Variants in ABCA13 observed in about 807,000 individuals in gnomAD.
The protein encoded by ABCA13 is ATP binding cassette subfamily A member 13.
In ABCA13, 476 loss-of-function variants were observed where a neutral mutation model predicts 478.7. The ratio of observed to expected loss-of-function variants is 0.99; its 90% CI spans 0.92 to 1.07. The LOEUF is 1.07. Ranked by LOEUF, ABCA13 falls within the 50% of genes least tolerant of loss-of-function variation. The probability of loss-of-function intolerance (pLI) is 0.00; values close to 1 mark genes in which losing one functional copy is unlikely to be tolerated. For synonymous variants in ABCA13, 2,252 were observed against 2,158.9 expected, an observed-to-expected ratio of 1.04 and a Z score of -1.20; for missense variants, 6,060 against 5,910.6, an observed-to-expected ratio of 1.03 and a Z score of -0.83.
At chr7:48,626,983 A>G (rs1000424299) in intron 59 of ABCA13, 27 of 985,386 alleles carry the variant, frequency 2.7e-5, no homozygotes, top group Middle Eastern at 5.2e-4. Flanking sequence ...AAGTAGCTGA[A>G]CTCATCACAA....
Position 48,645,995 on chromosome 7 carries a change from A to G in ABCA13, c.*483A>G, listed in dbSNP as rs2131711200. On this transcript the variant is annotated 3_prime_UTR_variant, in exon 62 of 62. Transcript: ENST00000435803. ...TATTGTTGTCATCTATTTACTAGAT[A>G]CATGTTTTTAATGATTTTAATGTAA... is the stretch of plus-strand genomic sequence containing the variant. The G allele has an allele frequency of 6.5e-6, 1 of 154,842 alleles. No homozygotes were observed. The highest frequency in any genetic ancestry group is 6.5e-5 in the Admixed American group (1 of 15,320). 9.6% of individuals were successfully genotyped at this position (154,842 alleles called of 1,614,324 possible). A position where few individuals can be genotyped will look rare whatever the true frequency, so the allele number is the denominator to read the frequency against.
At chr7:48,462,082 A>G (rs547473207) in intron 43 of ABCA13, among the ~76,000 whole-genome samples, 2 of 144,436 alleles carry the variant, frequency 1.4e-5, no homozygotes, top group East Asian at 2.1e-4. Flanking sequence ...TTCTTCTGAG[A>G]TAACAGGTGT....
chr7:48,253,487 T>TTGCATTATTAGG (rs1467564286), intron 15 of ABCA13, among the ~76,000 whole-genome samples: 2 of 152,220 alleles, frequency 1.3e-5, no homozygotes, highest in Admixed American at 6.5e-5. Flanking sequence ...TGACATTTTC[T>TTGCATTATTAGG]TGCATTATTA....
At chr7:48,178,255 A>T (rs1795151848) in intron 1 of ABCA13, among the ~76,000 whole-genome samples, 1 of 152,228 alleles carries the variant, frequency 6.6e-6, no homozygotes, top group Non-Finnish European at 1.5e-5. Context: ...TTTGAAGGGC[A>T]GTGAGGGAAA....
chr7:48,520,364 C>T, intron 53 of ABCA13, 70 bp downstream of exon 53: 2 of 1,474,042 alleles, frequency 1.4e-6, no homozygotes, highest in Non-Finnish European at 9.0e-7. Context: ...AAAAATTCAT[C>T]CTGGAGGTTG....
chr7:48,529,878 T>C (rs1833108766), intron 55 of ABCA13, among the ~76,000 whole-genome samples: 1 of 152,204 alleles, frequency 6.6e-6, no homozygotes, highest in South Asian at 2.1e-4. Context: ...ATGAAACAGT[T>C]TTCTACACTT....
chr7:48,192,009 T>C (rs1226042550), intron 1 of ABCA13, among the ~76,000 whole-genome samples: 1 of 152,232 alleles, frequency 6.6e-6, no homozygotes, highest in East Asian at 1.9e-4. Flanking sequence ...TGTGCATTTA[T>C]TCAATGGCTT....
At position 48,507,913 on chromosome 7, in the gene ABCA13, T is replaced by C. The variant is rs1831355838; in HGVS notation, c.13388T>C (p.Val4463Ala). 6.2e-7 allele frequency: 1 copy of C among 1,612,858 alleles called. No individual in the cohort carries two copies. Among genetic ancestry groups the C allele is most frequent in the Non-Finnish European group, 8.5e-7 (1 of 1,179,482 alleles). Residue 4463 changes from valine (V) to alanine (A), a missense_variant, in exon 50 of 62, where the codon GTG (valine) becomes GCG (alanine). This residue lies in a region of ABCA13 where 1,627 missense variants were observed against 1,571.0 expected (regional missense o/e 1.04). Transcript: ENST00000435803. ...CAGTGTGGAGTGGCCCTCTGCATCG[T>C]GCTGGGATTCTCCATCCTGTCTGCA... ...IRQCGVALCI[V>A]LGFSILSASI...
chr7:48,563,650 G>A (rs1199682412), intron 55 of ABCA13, among the ~76,000 whole-genome samples: 1 of 152,124 alleles, frequency 6.6e-6, no homozygotes, highest in African/African-American at 2.4e-5. Context: ...GGCCTGTCAG[G>A]TACAGATTTT....
chr7:48,324,586 T>C (rs1472267713), intron 27 of ABCA13, among the ~76,000 whole-genome samples: 2 of 152,210 alleles, frequency 1.3e-5, no homozygotes, highest in Non-Finnish European at 2.9e-5. Flanking sequence ...TTGCAGCTGG[T>C]TATGGAATCA....
chr7:48,403,602 T>G (rs1817889580), intron 38 of ABCA13, 81 bp from the exon 39 acceptor site: 3 of 1,381,728 alleles, frequency 2.2e-6, no homozygotes, highest in Non-Finnish European at 3.0e-6. Flanking sequence ...CAGCCACTGT[T>G]AGTCATTATT....
chr7:48,194,395 G>T (rs1267235906), intron 2 of ABCA13, among the ~76,000 whole-genome samples: 1 of 151,672 alleles, frequency 6.6e-6, no homozygotes, highest in Non-Finnish European at 1.5e-5. Flanking sequence ...GGTGATGATA[G>T]TGATGGTAAT....
chr7:48,455,113 G>C lies in ABCA13; in HGVS notation c.12642G>C (p.Arg4214=), dbSNP rs1167103386. The C allele has an allele frequency of 3.8e-6, 6 of 1,559,012 alleles. No homozygotes were observed. The highest frequency in any genetic ancestry group is 3.5e-5 in the South Asian group (3 of 84,722). The change falls in exon 43 of 62, where the codon CGG becomes CGC. Residue 4214 remains arginine (R), a synonymous_variant. Coordinates refer to ENST00000435803, the MANE Select transcript of ABCA13 (RefSeq NM_152701.5). ...LRAQVAAILA[R]RLRRTLRAGK... is the part of the protein sequence containing the mutation. Reference sequence around the variant, plus strand: ...CACAAGTGGCCGCGATCCTGGCCCGGAGGCTCCGCCGCACGCTGCGCGCCG... The same window carrying C: ...CACAAGTGGCCGCGATCCTGGCCCGCAGGCTCCGCCGCACGCTGCGCGCCG...
intron 59 of ABCA13, among the ~76,000 whole-genome samples, chr7:48,620,117 A>G (rs1020769878): frequency 1.3e-5 from 2 of 152,272 alleles, no homozygotes; most frequent in East Asian, 1.9e-4. Flanking sequence ...TTGTCTCCAC[A>G]TGGAGCTCTG....
At chr7:48,605,985 T>A (rs1312592643) in intron 58 of ABCA13, among the ~76,000 whole-genome samples, 1 of 152,250 alleles carries the variant, frequency 6.6e-6, no homozygotes, top group Non-Finnish European at 1.5e-5. Flanking sequence ...TGATATCCTT[T>A]CTTCCACTTG....
At chr7:48,592,630 T>C (rs538498213) in intron 57 of ABCA13, among the ~76,000 whole-genome samples, 4 of 152,042 alleles carry the variant, frequency 2.6e-5, no homozygotes, top group East Asian at 3.9e-4. Context: ...TGTTTCCTTA[T>C]TGATTTTCTG....
At chr7:48,473,715 A>T (rs1827772156) in intron 45 of ABCA13, among the ~76,000 whole-genome samples, 1 of 152,072 alleles carries the variant, frequency 6.6e-6, no homozygotes, top group Non-Finnish European at 1.5e-5. Context: ...CCCAAGGGGG[A>T]TGGGGTGGAG....
At chr7:48,574,685 G>A (rs914382827) in intron 55 of ABCA13, among the ~76,000 whole-genome samples, 4 of 152,094 alleles carry the variant, frequency 2.6e-5, no homozygotes, top group African/African-American at 9.7e-5. Flanking sequence ...TAACAGCTTT[G>A]CTTAGCTCCT....
At chr7:48,301,063 A>G (rs1800081958) in intron 23 of ABCA13, among the ~76,000 whole-genome samples, 1 of 152,204 alleles carries the variant, frequency 6.6e-6, no homozygotes, top group Non-Finnish European at 1.5e-5. Context: ...TTTCTGTGGT[A>G]AACAATTAGG....
Sources: allele counts gnomAD v4.1 joint callset (sites outside exome capture counted in the v4.1 genomes callset), GRCh38; gene constraint gnomAD v4.1.1; regional missense constraint gnomAD v4.1.1; transcripts MANE v1.5; gene names NCBI Gene and HGNC (gene_info 2026-07-23, HGNC 2026-07-21).